Variants in FAF1 observed in about 807,000 individuals in gnomAD.
FAF1 encodes Fas associated factor 1.
FAF1 carries 25 observed loss-of-function variants against 92.5 expected under a neutral mutation model. That is an observed-to-expected ratio of 0.27 (90% CI 0.20 to 0.38). The LOEUF is 0.38. Ranked by LOEUF, FAF1 falls within the 10% of genes least tolerant of loss-of-function variation. FAF1 has a pLI of 1.00. For missense variants in FAF1, 636 were observed against 793.3 expected, an observed-to-expected ratio of 0.80 and a Z score of 2.38; for synonymous variants, 234 against 273.2, an observed-to-expected ratio of 0.86 and a Z score of 1.42.
chr1:50,482,197 T>C, intron 17 of FAF1, among the ~76,000 whole-genome samples: 1 of 152,184 alleles, frequency 6.6e-6, no homozygotes, highest in Non-Finnish European at 1.5e-5. Context: ...TTTTGTGTTT[T>C]CCAGAATGTT....
Position 50,467,553 on chromosome 1 carries a change from T to C in FAF1, c.1869+7911A>G, listed in dbSNP as rs145284159. ...CGGTCTCGATCTCCTGACCTCGTGA[T>C]CTGCCCTCCTCGGCATCCCAAAGTG... On this transcript the variant is annotated intron_variant, in intron 18 of 18. Transcript: ENST00000396153. Among the ~76,000 whole-genome samples the C allele has an allele frequency of 6.6e-5, 10 of 152,256 alleles. No homozygotes were observed. The East Asian group carries it at 1.9e-3, about 29-fold the overall frequency.
chr1:50,668,178 T>G (rs1655715264), intron 7 of FAF1, among the ~76,000 whole-genome samples: 1 of 152,062 alleles, frequency 6.6e-6, no homozygotes, highest in Non-Finnish European at 1.5e-5. Context: ...CAAGTGAAAA[T>G]AAACCATTCA....
At chr1:50,853,917 A>C (rs1424280477) in intron 2 of FAF1, among the ~76,000 whole-genome samples, 2 of 152,088 alleles carry the variant, frequency 1.3e-5, no homozygotes, top group African/African-American at 2.4e-5. Flanking sequence ...GAATTTTAAC[A>C]AAAAATTAGG....
intron 15 of FAF1, among the ~76,000 whole-genome samples, chr1:50,499,720 C>A (rs1646958357): frequency 6.6e-6 from 1 of 152,106 alleles, no homozygotes; most frequent in Non-Finnish European, 1.5e-5. Context: ...CAACCCCTTC[C>A]CCTTCCCTCC....
chr1:50,815,257 G>A (rs942116404), intron 2 of FAF1, among the ~76,000 whole-genome samples: 1 of 151,810 alleles, frequency 6.6e-6, no homozygotes, highest in Non-Finnish European at 1.5e-5. Flanking sequence ...TAGTAATCCC[G>A]TGTCTATTGT....
At chr1:50,739,393 T>TACA (rs1240529473) in intron 5 of FAF1, among the ~76,000 whole-genome samples, 1,952 of 131,776 alleles carry the variant, frequency 0.015, 42 homozygotes, top group African/African-American at 0.064. Context: ...TATATGTGTG[T>TACA]TTATGTGTAT....
chr1:50,692,577 G>T (rs1656989081), intron 7 of FAF1, among the ~76,000 whole-genome samples: 1 of 151,962 alleles, frequency 6.6e-6, no homozygotes, highest in Non-Finnish European at 1.5e-5. Flanking sequence ...TGTCCTCCAG[G>T]TCTTCCCATG....
chr1:50,738,398 G>A (rs1290063586), intron 6 of FAF1, among the ~76,000 whole-genome samples: 2 of 141,960 alleles, frequency 1.4e-5, no homozygotes, highest in South Asian at 2.2e-4. Flanking sequence ...AGCCAAGATC[G>A]TACCATTGCA....
chr1:50,633,958 C>G (rs558958379), intron 8 of FAF1, among the ~76,000 whole-genome samples: 1 of 152,096 alleles, frequency 6.6e-6, no homozygotes, highest in African/African-American at 2.4e-5. Context: ...AACAAACATA[C>G]AATAAAAGAA....
At chr1:50,783,030 GAAA>G (rs1241922418) in intron 4 of FAF1, among the ~76,000 whole-genome samples, 1 of 150,902 alleles carries the variant, frequency 6.6e-6, no homozygotes, top group Non-Finnish European at 1.5e-5. Context: ...TCTAGAGTAA[GAAA>G]AAAACAGAAA....
intron 1 of FAF1, among the ~76,000 whole-genome samples, chr1:50,949,792 C>A (rs1307709766): frequency 6.6e-6 from 1 of 152,130 alleles, no homozygotes; most frequent in Non-Finnish European, 1.5e-5. Context: ...CCAAGTGATT[C>A]TCTGGATTCT....
chr1:50,590,537 T>G (rs1651453849), intron 9 of FAF1, among the ~76,000 whole-genome samples: 1 of 152,244 alleles, frequency 6.6e-6, no homozygotes, highest in Non-Finnish European at 1.5e-5. Context: ...CCAATAGTTT[T>G]TTAAAAATGT....
intron 8 of FAF1, among the ~76,000 whole-genome samples, chr1:50,649,549 A>T (rs1427412335): frequency 8.5e-5 from 13 of 152,202 alleles, no homozygotes; most frequent in Admixed American, 7.9e-4. Context: ...TCTGAATCCT[A>T]ACACACGCCC....
rs112472180 is a variant in FAF1 at position 50,556,810 on chromosome 1, C to G, written c.1268+10267G>C. The stretch of plus-strand genomic sequence containing the variant: ...TGAAACTGTGCCACTGCATTCCAGC[C>G]TGGGCACCAGAGCAAGACCCCTGTC... On this transcript the variant is annotated intron_variant, in intron 13 of 18. Coordinates refer to ENST00000396153, the MANE Select transcript of FAF1 (RefSeq NM_007051.3). Among the ~76,000 whole-genome samples, 988 of 151,832 alleles carry G rather than the reference C, an allele frequency of 6.5e-3. 18 individuals are homozygous for G. Among genetic ancestry groups the G allele is most frequent in the African/African-American group, 0.023 (943 of 41,342 alleles).
At chr1:50,828,509 T>G (rs1407322288) in intron 2 of FAF1, among the ~76,000 whole-genome samples, 3 of 152,152 alleles carry the variant, frequency 2.0e-5, no homozygotes, top group African/African-American at 7.2e-5. Context: ...GACCTCGTGA[T>G]CTGCCCACCT....
chr1:50,886,748 T>C (rs532809168), intron 1 of FAF1, among the ~76,000 whole-genome samples: 2 of 152,338 alleles, frequency 1.3e-5, no homozygotes, highest in East Asian at 3.9e-4. Context: ...ATGGTGTATA[T>C]GTGCCACATT....
Position 50,461,129 on chromosome 1 carries a change from C to T in FAF1, c.1869+14335G>A, listed in dbSNP as rs146364766. Among the ~76,000 whole-genome samples, 39 of 152,286 alleles carry T rather than the reference C, an allele frequency of 2.6e-4. No individual in the cohort carries two copies. The East Asian group carries it at 7.1e-3, about 28-fold the overall frequency. The stretch of plus-strand genomic sequence containing the variant: ...GTGGCAACATTATACAATATAACTA[C>T]TGTGAATAATGGGAATCAACTGTAT... On this transcript the variant is annotated intron_variant, in intron 18 of 18. Transcript: ENST00000396153.
chr1:50,491,186 A>C (rs372897213), intron 16 of FAF1, among the ~76,000 whole-genome samples: 1 of 152,334 alleles, frequency 6.6e-6, no homozygotes, highest in South Asian at 2.1e-4. Flanking sequence ...AAAAATTTCC[A>C]CTGAAACTCC....
chr1:50,703,968 T>C (rs1378488643), intron 7 of FAF1, among the ~76,000 whole-genome samples: 1 of 152,196 alleles, frequency 6.6e-6, no homozygotes, highest in Non-Finnish European at 1.5e-5. Context: ...TTGCAGTATT[T>C]TCCCATCGAA....
Sources: gnomAD v4.1 joint callset for allele counts (sites outside exome capture counted in the v4.1 genomes callset) on GRCh38, gnomAD v4.1.1 for gene constraint, MANE v1.5 for transcripts, NCBI Gene and HGNC (gene_info 2026-07-23, HGNC 2026-07-21) for gene names.